NDUFS5: variants seen among roughly 807,000 people sequenced by gnomAD.
The protein encoded by NDUFS5 is NADH:ubiquinone oxidoreductase subunit S5, also known as NADH dehydrogenase [ubiquinone] iron-sulfur protein 5.
Under a neutral mutation model 10.5 loss-of-function variants are expected in NDUFS5, and 7 were observed. The observed-to-expected ratio is 0.66, with a 90% CI of 0.38 to 1.25. NDUFS5 has a LOEUF of 1.25. Ranked by LOEUF, NDUFS5 falls within the 50% of genes most tolerant of loss-of-function variation. The pLI is 0.02. For missense variants in NDUFS5, 148 were observed against 140.7 expected (o/e 1.05, Z -0.26); for synonymous variants, 38 against 44.0 (o/e 0.86, Z 0.54).
At chr1:39,030,502 C>T (rs1334511817) in intron 2 of NDUFS5, among the ~76,000 whole-genome samples, 11 of 151,096 alleles carry the variant, frequency 7.3e-5, no homozygotes, top group African/African-American at 1.9e-4. Context: ...GTCAGGAGTT[C>T]GAGACCAGCC....
intron 2 of NDUFS5, 129 bp downstream of exon 2, chr1:39,029,069 T>C (rs1644172797): frequency 6.1e-6 from 5 of 814,110 alleles, no homozygotes; most frequent in Non-Finnish European, 9.4e-6. Flanking sequence ...CTCGTCTCAC[T>C]GTAGCCTCTG....
intron 1 of NDUFS5, among the ~76,000 whole-genome samples, chr1:39,027,283 G>T (rs551068644): frequency 2.6e-5 from 4 of 152,228 alleles, no homozygotes; most frequent in Non-Finnish European, 4.4e-5. Context: ...TGTTGGTCAG[G>T]CTGGTCTTGA....
chr1:39,033,926 G>A (rs966273767), intron 2 of NDUFS5, among the ~76,000 whole-genome samples: 4 of 151,602 alleles, frequency 2.6e-5, no homozygotes, highest in South Asian at 2.1e-4. Flanking sequence ...TCAGCCTCCC[G>A]AGTAGCTGGG....
chr1:39,034,331 C>T (rs984877425), intron 2 of NDUFS5, 61 bp from the exon 3 acceptor site: 5 of 1,522,472 alleles, frequency 3.3e-6, no homozygotes, highest in African/African-American at 1.4e-5. Flanking sequence ...TCTGTTTTTC[C>T]AGTTCTCACT....
rs780892675 is a variant in NDUFS5 at position 39,034,398 on chromosome 1, C to G, written c.223C>G (p.Arg75Gly). The change falls in exon 3 of 3, where the codon CGT becomes GGT. Residue 75 changes from arginine (R) to glycine (G), a missense_variant. Arg to Gly is a moderately radical substitution (Grantham distance 125, BLOSUM62 -2). Coordinates refer to ENST00000372969, the MANE Select transcript of NDUFS5 (RefSeq NM_004552.3). ...TACCATTTTCCTTTGACAGATGAGA[C>G]GTGCAGGTACCATCAGGAAGCAGCG... ...ECLLRQKTMR[R>G]AGTIRKQRDK... is the part of the protein sequence containing the mutation. 6.2e-7 allele frequency: 1 copy of G among 1,612,886 alleles called. No individual in the cohort carries two copies. Among genetic ancestry groups the G allele is most frequent in the East Asian group, 2.2e-5 (1 of 44,812 alleles).
At chr1:39,029,034 C>T in intron 2 of NDUFS5, 94 bp downstream of exon 2, 3 of 1,209,278 alleles carry the variant, frequency 2.5e-6, no homozygotes, top group Non-Finnish European at 3.5e-6. Flanking sequence ...CTCTTGTCCC[C>T]TAGGCTGGTG....
chr1:39,029,057 A>T, intron 2 of NDUFS5, 117 bp downstream of exon 2: 2 of 883,260 alleles, frequency 2.3e-6, no homozygotes, highest in Non-Finnish European at 3.4e-6. Context: ...TGATGGCGCC[A>T]CCTCGTCTCA....
intron 2 of NDUFS5, among the ~76,000 whole-genome samples, chr1:39,033,490 G>A (rs774271290): frequency 1.1e-4 from 16 of 150,440 alleles, no homozygotes; most frequent in East Asian, 2.1e-4. Flanking sequence ...GGAGAATGGC[G>A]CGAACCCAGG....
At chr1:39,031,409 A>G (rs1214936924) in intron 2 of NDUFS5, among the ~76,000 whole-genome samples, 1 of 151,716 alleles carries the variant, frequency 6.6e-6, no homozygotes, top group Non-Finnish European at 1.5e-5. Context: ...CCTAGGCACA[A>G]GTCATCCTCC....
chr1:39,029,529 G>A (rs1373295922), intron 2 of NDUFS5, among the ~76,000 whole-genome samples: 3 of 152,132 alleles, frequency 2.0e-5, no homozygotes, highest in Admixed American at 1.3e-4. Context: ...GCATGTGTGT[G>A]TATACCCATT....
chr1:39,028,751 G>T lies in NDUFS5; in HGVS notation c.27G>T (p.Arg9Ser), dbSNP rs1479420380. Residue 9 changes from arginine (R) to serine (S), a missense_variant, in exon 2 of 3, where the codon AGG becomes AGT. Arg to Ser is a moderately radical substitution (Grantham distance 110). Transcript: ENST00000372969. MPFLDIQKRFGLNIDRWLT... is the reference protein window; with the variant it reads MPFLDIQKSFGLNIDRWLT... The stretch of plus-strand genomic sequence containing the variant: ...TGCCTTTCTTGGACATCCAGAAAAG[G>T]TTCGGCCTTAACATAGATCGATGGT... 35 of 1,613,894 alleles carry T rather than the reference G, an allele frequency of 2.2e-5. No homozygotes were observed. The highest frequency in any genetic ancestry group is 1.0e-4 in the Admixed American group (6 of 59,954).
intron 1 of NDUFS5, 118 bp from the exon 2 acceptor site, chr1:39,028,605 C>A: frequency 3.3e-6 from 3 of 898,994 alleles, no homozygotes; most frequent in Admixed American, 2.1e-5. Context: ...AGAATAATAT[C>A]AAACAGTGTT....
intron 2 of NDUFS5, among the ~76,000 whole-genome samples, chr1:39,029,182 G>C (rs962507000): frequency 6.6e-6 from 1 of 151,698 alleles, no homozygotes. Context: ...TAGTAGAAAC[G>C]GGATTTCACC....
At chr1:39,029,468 C>T (rs887078931) in intron 2 of NDUFS5, among the ~76,000 whole-genome samples, 1 of 152,160 alleles carries the variant, frequency 6.6e-6, no homozygotes, top group Non-Finnish European at 1.5e-5. Context: ...TTTCTCTTCT[C>T]CCAAATTTTC....
rs1360088804 is a variant in NDUFS5, at chr1:39,028,945, G to C, written c.216+5G>C. ...TGTTTGCTTCGGCAGAAAACGGTAA[G>C]GAAATGATGGAGGTGGAAGCTGAAT... On this transcript the variant is annotated splice_donor_5th_base_variant and intron_variant, in intron 2 of 2. Coordinates refer to ENST00000372969, the MANE Select transcript of NDUFS5 (RefSeq NM_004552.3). 2 of 1,612,218 alleles carry C rather than the reference G, an allele frequency of 1.2e-6. No individual in the cohort carries two copies. The highest frequency in any genetic ancestry group is 1.7e-6 in the Non-Finnish European group (2 of 1,178,514).
intron 2 of NDUFS5, 137 bp downstream of exon 2, chr1:39,029,077 C>A: frequency 1.3e-6 from 1 of 782,332 alleles, no homozygotes; most frequent in Non-Finnish European, 2.0e-6. Flanking sequence ...ACTGTAGCCT[C>A]TGCCTCCCAG....
chr1:39,033,590 C>T (rs1231261881), intron 2 of NDUFS5, among the ~76,000 whole-genome samples: 1 of 149,732 alleles, frequency 6.7e-6, no homozygotes, highest in Non-Finnish European at 1.5e-5. Flanking sequence ...CAACCTCCGC[C>T]TCCCGGGTTC....
intron 2 of NDUFS5, among the ~76,000 whole-genome samples, chr1:39,029,952 A>G (rs1197632326): frequency 1.3e-5 from 2 of 151,768 alleles, no homozygotes; most frequent in South Asian, 4.2e-4. Flanking sequence ...TTAGCAGGGC[A>G]TGGTGGTGGG....
At chr1:39,029,568 T>C (rs1289267371) in intron 2 of NDUFS5, among the ~76,000 whole-genome samples, 1 of 152,200 alleles carries the variant, frequency 6.6e-6, no homozygotes, top group African/African-American at 2.4e-5. Context: ...GCAGAGAATA[T>C]CAACTAGTTT....
Sources: allele counts gnomAD v4.1 joint callset (sites outside exome capture counted in the v4.1 genomes callset), GRCh38; gene constraint gnomAD v4.1.1; transcripts MANE v1.5; gene names NCBI Gene and HGNC (gene_info 2026-07-23, HGNC 2026-07-21).